The following SLC9B1 variants were observed in gnomAD, a reference collection of about 807,000 sequenced individuals.
The protein encoded by SLC9B1 is sodium/hydrogen exchanger 9B1.
A neutral mutation model predicts 51.7 loss-of-function variants in SLC9B1; 32 were observed. That is an observed-to-expected ratio of 0.62 (90% CI 0.47 to 0.83). The LOEUF (loss-of-function observed/expected upper bound fraction) is 0.83, where lower values mean the gene tolerates loss of function less well. SLC9B1 is among the 40% of genes least tolerant of loss of function. The pLI is 0.00. For synonymous variants in SLC9B1, 145 were observed against 212.7 expected (o/e 0.68, Z 2.77); for missense variants, 406 against 613.2 (o/e 0.66, Z 3.57).
chr4:102,988,330 G>C (rs898370879), intron 3 of SLC9B1, among the ~76,000 whole-genome samples: 4 of 152,084 alleles, frequency 2.6e-5, no homozygotes, highest in Non-Finnish European at 5.9e-5. Context: ...TAAATGTGAT[G>C]AGACTGATTT....
chr4:103,011,332 T>C (rs1396990089), intron 1 of SLC9B1, among the ~76,000 whole-genome samples: 2 of 152,200 alleles, frequency 1.3e-5, no homozygotes, highest in African/African-American at 2.4e-5. Flanking sequence ...CCCCCATGTC[T>C]CCTGGGAGCC....
Position 102,932,570 on chromosome 4 carries a change from T to C in SLC9B1, c.654-271A>G, listed in dbSNP as rs574159984. 3.3e-5 allele frequency among the ~76,000 whole-genome samples: 5 copies of C among 152,214 alleles called. No homozygotes were observed. In the South Asian group the frequency reaches 1.0e-3, roughly 32 times the overall value. On this transcript the variant is annotated intron_variant, in intron 6 of 11. Coordinates refer to ENST00000296422, the MANE Select transcript of SLC9B1 (RefSeq NM_139173.4). ...CTTTGAAGTGAAGATGTAAAAGTAA[T>C]AGAAAAATTCATAACCTAACCAGAA...
At chr4:102,912,856 G>T (rs1735403721) in intron 7 of SLC9B1, among the ~76,000 whole-genome samples, 1 of 152,054 alleles carries the variant, frequency 6.6e-6, no homozygotes, top group African/African-American at 2.4e-5. Context: ...CCTGTCTCAA[G>T]AAAATAAAAT....
At chr4:102,943,778 C>T (rs1737136640) in intron 6 of SLC9B1, among the ~76,000 whole-genome samples, 1 of 152,134 alleles carries the variant, frequency 6.6e-6, no homozygotes, top group Admixed American at 6.6e-5. Context: ...TAAAAGACTA[C>T]ACCTTGGGTG....
intron 3 of SLC9B1, among the ~76,000 whole-genome samples, chr4:102,974,240 TTGAAAA>T (rs1474906193): frequency 1.8e-4 from 14 of 76,276 alleles, no homozygotes; most frequent in Non-Finnish European, 3.4e-4. Flanking sequence ...CTGTCTAAAA[TTGAAAA>T]AAAAAAAAAA....
chr4:103,004,125 T>C (rs141393708), intron 1 of SLC9B1, among the ~76,000 whole-genome samples: 286 of 152,180 alleles, frequency 1.9e-3, no homozygotes, highest in African/African-American at 6.2e-3. Context: ...ATTCAGAATA[T>C]GGATAGAAAT....
intron 6 of SLC9B1, among the ~76,000 whole-genome samples, chr4:102,934,155 T>A (rs1736600358): frequency 6.6e-6 from 1 of 152,270 alleles, no homozygotes; most frequent in East Asian, 1.9e-4. Context: ...CAGGGATTTT[T>A]ACTGAGCTTG....
rs749899401 is a variant in SLC9B1 at position 102,945,327 on chromosome 4, C to T, written c.526-7G>A. 1.9e-6 allele frequency: 3 copies of T among 1,587,802 alleles called. No homozygotes were observed. Among genetic ancestry groups the T allele is most frequent in the African/African-American group, 1.3e-5 (1 of 74,344 alleles). ...CCTTCAAATGCCTCAAAGCCTGAAA[C>T]ACAAAACAGTCACACTTAGATACAT... On this transcript the variant is annotated splice_region_variant and splice_polypyrimidine_tract_variant and intron_variant, in intron 5 of 11. Coordinates refer to ENST00000296422, the MANE Select transcript of SLC9B1 (RefSeq NM_139173.4).
At chr4:103,016,977 T>C (rs1431045075) in intron 1 of SLC9B1, 2 of 152,118 alleles carry the variant, frequency 1.3e-5, no homozygotes, top group Non-Finnish European at 2.9e-5. Context: ...CAAATTACCT[T>C]TGATTTCTAA....
At position 102,945,291 on chromosome 4, in the gene SLC9B1, G is replaced by A; in HGVS notation, c.555C>T (p.Phe185=). ...QALRHLKVVC[F]RLAVGPCLME... ...TAAGGCATGGACCTACAGCCAATCT[G>A]AAACAAACGACCTTCAAATGCCTCA... The change falls in exon 6 of 12, where the codon TTC becomes TTT. Residue 185 remains phenylalanine, a synonymous_variant. Transcript: ENST00000296422. The A allele has an allele frequency of 6.3e-7, 1 of 1,597,142 alleles. No homozygotes were observed. The highest frequency in any genetic ancestry group is 1.1e-5 in the South Asian group (1 of 88,360).
chr4:102,903,352 T>C (rs560387376), intron 11 of SLC9B1, among the ~76,000 whole-genome samples: 1 of 152,304 alleles, frequency 6.6e-6, no homozygotes, highest in East Asian at 1.9e-4. Context: ...TAAGATAAAA[T>C]AACAACATTG....
At position 102,885,552 on chromosome 4, in the gene SLC9B1, G is replaced by T. The variant is rs1008950028; in HGVS notation, c.1333-224C>A. On this transcript the variant is annotated intron_variant, in intron 11 of 11. Coordinates refer to the SLC9B1 transcript ENST00000394789. ...TTTTCTGTAATATTTGGTATTGAAA[G>T]ACCATATTCCTAAATTGAAGTTTTC... 20 of 771,464 alleles carry T rather than the reference G, an allele frequency of 2.6e-5. No homozygotes were observed. In the Middle Eastern group the frequency reaches 1.1e-3, roughly 41 times the overall value. 47.8% of individuals were successfully genotyped at this position (771,464 alleles called of 1,614,324 possible).
chr4:102,918,556 A>C (rs1735702676), intron 7 of SLC9B1, among the ~76,000 whole-genome samples: 2 of 152,222 alleles, frequency 1.3e-5, no homozygotes, highest in African/African-American at 4.8e-5. Flanking sequence ...CATATGCTGG[A>C]GCCTAATATT....
chr4:102,957,733 G>A (rs554196299), intron 3 of SLC9B1, among the ~76,000 whole-genome samples: 3 of 152,152 alleles, frequency 2.0e-5, no homozygotes, highest in Admixed American at 6.5e-5. Context: ...CACTGGAAGT[G>A]GTAAATAAAT....
chr4:102,919,126 G>A (rs557247372), intron 7 of SLC9B1, among the ~76,000 whole-genome samples: 1 of 152,300 alleles, frequency 6.6e-6, no homozygotes, highest in African/African-American at 2.4e-5. Context: ...AGGGGCTGTT[G>A]TGAAGAACTC....
intron 11 of SLC9B1, among the ~76,000 whole-genome samples, chr4:102,893,544 A>ATTTATTATT (rs1734379058): frequency 6.6e-6 from 1 of 152,240 alleles, no homozygotes; most frequent in Non-Finnish European, 1.5e-5. Context: ...ATGTTATTTA[A>ATTTATTATT]AGTATCCCAA....
chr4:102,909,430 C>T (rs1035123168), intron 9 of SLC9B1, among the ~76,000 whole-genome samples: 2 of 148,606 alleles, frequency 1.3e-5, no homozygotes, highest in Non-Finnish European at 3.0e-5. Context: ...TGGTGAAACC[C>T]CGTCTCTACT....
At chr4:102,908,568 C>T (rs1314365897) in intron 9 of SLC9B1, among the ~76,000 whole-genome samples, 2 of 152,144 alleles carry the variant, frequency 1.3e-5, no homozygotes, top group African/African-American at 4.8e-5. Flanking sequence ...GATTAAAAGA[C>T]TAAATGAAAA....
At chr4:102,964,837 T>C (rs1349719403) in intron 3 of SLC9B1, among the ~76,000 whole-genome samples, 1 of 152,174 alleles carries the variant, frequency 6.6e-6, no homozygotes, top group African/African-American at 2.4e-5. Context: ...GCCAACATAC[T>C]TAATGGTAAA....
Sources: allele counts gnomAD v4.1 joint callset (sites outside exome capture counted in the v4.1 genomes callset), GRCh38; gene constraint gnomAD v4.1.1; transcripts MANE v1.5; gene names NCBI Gene and HGNC (gene_info 2026-07-23, HGNC 2026-07-21).